The following ADAMTSL3 variants were observed in gnomAD, a reference collection of about 807,000 sequenced individuals.
ADAMTSL3 encodes ADAMTS-like protein 3.
ADAMTSL3 carries 128 observed loss-of-function variants against 201.7 expected under a neutral mutation model. The ratio of observed to expected loss-of-function variants is 0.63; its 90% CI spans 0.55 to 0.73. The LOEUF (loss-of-function observed/expected upper bound fraction) is 0.73. ADAMTSL3 is among the 30% of genes least tolerant of loss of function. ADAMTSL3 has a pLI of 0.00. For missense variants in ADAMTSL3, 1,990 were observed against 2,119.6 expected (o/e 0.94, Z 1.20); for synonymous variants, 738 against 748.4 (o/e 0.99, Z 0.23).
intron 2 of ADAMTSL3, among the ~76,000 whole-genome samples, chr15:83,688,751 T>TACACACACACACACACACACACACAC (rs1555430321): frequency 8.7e-6 from 1 of 114,610 alleles, no homozygotes; most frequent in Non-Finnish European, 1.9e-5. Flanking sequence ...CACATGCATA[T>TACACACACACACACACACACACACAC]ATATACACAC....
At chr15:83,940,685 T>G (rs895803784) in intron 17 of ADAMTSL3, among the ~76,000 whole-genome samples, 2 of 152,218 alleles carry the variant, frequency 1.3e-5, no homozygotes, top group African/African-American at 4.8e-5. Context: ...GTTGATTAAT[T>G]TGCTTCTTTT....
chr15:83,938,666 CATT>C (rs2066502575), intron 17 of ADAMTSL3, among the ~76,000 whole-genome samples: 1 of 152,166 alleles, frequency 6.6e-6, no homozygotes, highest in Non-Finnish European at 1.5e-5. Context: ...ATGATCCCAT[CATT>C]AACTTATTCT....
chr15:83,667,204 G>A (rs918402538), intron 2 of ADAMTSL3, among the ~76,000 whole-genome samples: 1 of 151,990 alleles, frequency 6.6e-6, no homozygotes, highest in Non-Finnish European at 1.5e-5. Flanking sequence ...TAGAATATAT[G>A]TTGTCGGTTA....
At chr15:83,822,138 A>C (rs1445340878) in intron 6 of ADAMTSL3, among the ~76,000 whole-genome samples, 18 of 133,166 alleles carry the variant, frequency 1.4e-4, no homozygotes, top group Admixed American at 7.4e-5. Flanking sequence ...TGACCCCCCC[A>C]CCTCCCTCCC....
chr15:84,025,844 C>T (rs755192011), intron 27 of ADAMTSL3, among the ~76,000 whole-genome samples: 1 of 152,072 alleles, frequency 6.6e-6, no homozygotes, highest in African/African-American at 2.4e-5. Context: ...TGTGTAGGAA[C>T]CCATAAATAA....
chr15:84,036,841 C>A lies in ADAMTSL3; in HGVS notation c.4823C>A (p.Pro1608His). The change falls in exon 29 of 30, where the codon CCC becomes CAC. Residue 1608 changes from proline to histidine, a missense_variant. Pro to His is a moderately conservative substitution (Grantham distance 77). Transcript: ENST00000286744. ...DVCWHTGPWK[P>H]CTAACGRGFQ... ...TGTTGGCACACAGGCCCTTGGAAGCCCTGTACAGCAGCCTGTGGCAGGGGT... is the reference window on the plus strand; with the variant it reads ...TGTTGGCACACAGGCCCTTGGAAGCACTGTACAGCAGCCTGTGGCAGGGGT... 6.2e-7 allele frequency: 1 copy of A among 1,614,014 alleles called. No individual in the cohort carries two copies. Among genetic ancestry groups the A allele is most frequent in the Non-Finnish European group, 8.5e-7 (1 of 1,179,988 alleles).
At chr15:84,008,061 C>T (rs2067927166) in intron 23 of ADAMTSL3, among the ~76,000 whole-genome samples, 1 of 152,164 alleles carries the variant, frequency 6.6e-6, no homozygotes, top group Admixed American at 6.6e-5. Flanking sequence ...TTGTCAAGGT[C>T]ACCAACAGCT....
At chr15:83,837,086 A>T (rs1462613440) in intron 6 of ADAMTSL3, among the ~76,000 whole-genome samples, 7 of 152,194 alleles carry the variant, frequency 4.6e-5, no homozygotes, top group Admixed American at 6.5e-5. Flanking sequence ...ATATGTACAC[A>T]TGAAAAATGA....
At chr15:83,794,582 C>T (rs1039976086) in intron 4 of ADAMTSL3, among the ~76,000 whole-genome samples, 1 of 151,272 alleles carries the variant, frequency 6.6e-6, no homozygotes, top group Non-Finnish European at 1.5e-5. Flanking sequence ...CTGTATTTCA[C>T]TTATGTAATA....
At chr15:83,857,447 G>A (rs961973537) in intron 7 of ADAMTSL3, among the ~76,000 whole-genome samples, 13 of 152,052 alleles carry the variant, frequency 8.5e-5, no homozygotes, top group African/African-American at 2.2e-4. Context: ...GGCTTTCCAC[G>A]TTAGGTCATA....
intron 6 of ADAMTSL3, among the ~76,000 whole-genome samples, chr15:83,823,147 T>C (rs966714117): frequency 5.1e-5 from 7 of 138,078 alleles, no homozygotes; most frequent in Admixed American, 2.4e-4. Flanking sequence ...ATGGCAGCAG[T>C]ACAGTCCAGC....
chr15:83,885,940 T>C (rs1197627903), intron 10 of ADAMTSL3, among the ~76,000 whole-genome samples: 1 of 152,132 alleles, frequency 6.6e-6, no homozygotes, highest in African/African-American at 2.4e-5. Context: ...GCCAGGCTGG[T>C]CTTGAACTCC....
At chr15:83,992,458 C>G (rs2067598594) in intron 23 of ADAMTSL3, among the ~76,000 whole-genome samples, 1 of 152,200 alleles carries the variant, frequency 6.6e-6, no homozygotes, top group Non-Finnish European at 1.5e-5. Flanking sequence ...CCCACCATTA[C>G]AGAAAGGGCC....
intron 28 of ADAMTSL3, among the ~76,000 whole-genome samples, chr15:84,035,801 C>T (rs543365317): frequency 1.3e-5 from 2 of 152,300 alleles, no homozygotes; most frequent in South Asian, 4.1e-4. Context: ...AGGACTACAA[C>T]TAAGAAATGG....
At chr15:83,706,442 C>T (rs1376548722) in intron 3 of ADAMTSL3, among the ~76,000 whole-genome samples, 1 of 152,036 alleles carries the variant, frequency 6.6e-6, no homozygotes, top group Non-Finnish European at 1.5e-5. Flanking sequence ...TCTGTGTTGC[C>T]CCCACTGTGT....
chr15:84,003,158 C>G (rs2067830992), intron 23 of ADAMTSL3, among the ~76,000 whole-genome samples: 2 of 151,794 alleles, frequency 1.3e-5, no homozygotes, highest in Non-Finnish European at 2.9e-5. Context: ...GCTGTGCTGC[C>G]AAGGCTGGTT....
rs748957282 is a variant in ADAMTSL3 at position 83,716,918 on chromosome 15, G to A, written c.189+12410G>A. Reference sequence around the variant, plus strand: ...AAAATTTACATTTCAAAATGATTGAGTAAATTTTTCTTTATAATTGGGAAA... The same window carrying A: ...AAAATTTACATTTCAAAATGATTGAATAAATTTTTCTTTATAATTGGGAAA... On this transcript the variant is annotated intron_variant, in intron 3 of 29. Transcript: ENST00000286744. Among the ~76,000 whole-genome samples, 62 of 152,124 alleles carry A rather than the reference G, an allele frequency of 4.1e-4. 1 individual carries two copies. Among genetic ancestry groups the A allele is most frequent in the Admixed American group, 2.7e-3 (41 of 15,264 alleles).
At chr15:83,776,719 A>G (rs1431529300) in intron 4 of ADAMTSL3, among the ~76,000 whole-genome samples, 1 of 150,576 alleles carries the variant, frequency 6.6e-6, no homozygotes, top group East Asian at 1.9e-4. Flanking sequence ...CTCCGTCTCA[A>G]AAAAAAAAAA....
intron 3 of ADAMTSL3, among the ~76,000 whole-genome samples, chr15:83,720,337 A>T (rs931718442): frequency 1.3e-5 from 2 of 152,214 alleles, no homozygotes; most frequent in Non-Finnish European, 2.9e-5. Context: ...GAAAAAATTA[A>T]TTAGCAGAAA....
Sources: allele counts gnomAD v4.1 joint callset (sites outside exome capture counted in the v4.1 genomes callset), GRCh38; gene constraint gnomAD v4.1.1; transcripts MANE v1.5; gene names NCBI Gene and HGNC (gene_info 2026-07-23, HGNC 2026-07-21).